ACER3: variants seen among roughly 807,000 people sequenced by gnomAD.
ACER3 encodes the protein alkaline ceramidase 3.
ACER3 carries 16 observed loss-of-function variants against 48.9 expected under a neutral mutation model. The ratio of observed to expected loss-of-function variants is 0.33; its 90% CI spans 0.22 to 0.50. The LOEUF (loss-of-function observed/expected upper bound fraction) is 0.50, where lower values mean the gene tolerates loss of function less well. Ranked by LOEUF, ACER3 falls within the 20% of genes least tolerant of loss-of-function variation. The pLI is 0.98. For missense variants in ACER3, 227 were observed against 326.0 expected (o/e 0.70, Z 2.34); for synonymous variants, 109 against 107.8 (o/e 1.01, Z -0.07).
chr11:76,924,089 G>C (rs529689228), intron 1 of ACER3, among the ~76,000 whole-genome samples: 2 of 152,138 alleles, frequency 1.3e-5, no homozygotes, highest in South Asian at 4.2e-4. Flanking sequence ...GGTCCCGCTG[G>C]GTACTCCCTC....
chr11:76,975,158 T>G (rs2135146592), intron 3 of ACER3, among the ~76,000 whole-genome samples: 1 of 152,342 alleles, frequency 6.6e-6, no homozygotes. Context: ...GGCTTTTGTG[T>G]CTTTTGTTGG....
intron 2 of ACER3, among the ~76,000 whole-genome samples, chr11:76,931,847 A>T (rs941014121): frequency 1.3e-5 from 2 of 151,952 alleles, no homozygotes; most frequent in Non-Finnish European, 1.5e-5. Flanking sequence ...TGTTAGTCTG[A>T]TGGGCTTCCC....
rs1555024213 is a variant in ACER3, at chr11:77,020,360, C to T, written c.*33C>T. The T allele has an allele frequency of 6.2e-7, 1 of 1,604,444 alleles. No homozygotes were observed. Among genetic ancestry groups the T allele is most frequent in the Admixed American group, 1.7e-5 (1 of 59,426 alleles). ...TTCCACCAAGAAAACAAACAAGCAC[C>T]TACCATAGACCTGGCAGAATAAATA... On this transcript the variant is annotated 3_prime_UTR_variant, in exon 11 of 11. Transcript: ENST00000532485.
At chr11:76,978,971 C>T in intron 4 of ACER3, among the ~76,000 whole-genome samples, 1 of 152,228 alleles carries the variant, frequency 6.6e-6, no homozygotes, top group East Asian at 1.9e-4. Context: ...GTGGCTAGAC[C>T]CCAAGCTTGC....
intron 1 of ACER3, among the ~76,000 whole-genome samples, chr11:76,904,764 C>G (rs1016354683): frequency 2.6e-5 from 4 of 152,200 alleles, no homozygotes; most frequent in African/African-American, 9.7e-5. Context: ...CGCTGCCCCT[C>G]TCAACCCACA....
At chr11:76,935,602 A>C (rs545696080) in intron 2 of ACER3, among the ~76,000 whole-genome samples, 1 of 152,346 alleles carries the variant, frequency 6.6e-6, no homozygotes, top group African/African-American at 2.4e-5. Context: ...AATGAAGAGG[A>C]AGTATAAGCC....
Position 76,966,943 on chromosome 11 carries a change from G to T in ACER3, c.267+7912G>T, listed in dbSNP as rs556935734. Among the ~76,000 whole-genome samples the T allele has an allele frequency of 4.6e-5, 7 of 152,030 alleles. No homozygotes were observed. In the South Asian group the frequency reaches 1.2e-3, roughly 27 times the overall value. ...ACATTCAAAAGCTAGCAGAAGGCAAGAAATAACTAAAATCAGAGCAGAACT... is the reference window on the plus strand; with the variant it reads ...ACATTCAAAAGCTAGCAGAAGGCAATAAATAACTAAAATCAGAGCAGAACT... On this transcript the variant is annotated intron_variant, in intron 3 of 10. Coordinates refer to ENST00000532485, the MANE Select transcript of ACER3 (RefSeq NM_018367.7).
intron 1 of ACER3, among the ~76,000 whole-genome samples, chr11:76,882,154 G>A (rs555718454): frequency 2.0e-5 from 3 of 151,676 alleles, no homozygotes; most frequent in South Asian, 4.2e-4. Flanking sequence ...ACAGGCGCCC[G>A]CCACCACGCC....
chr11:76,964,648 G>A (rs1050645100), intron 3 of ACER3, among the ~76,000 whole-genome samples: 15 of 151,280 alleles, frequency 9.9e-5, no homozygotes, highest in Admixed American at 4.6e-4. Flanking sequence ...CAGCATTTGC[G>A]GTTCACCAAT....
chr11:76,931,174 G>A (rs1330172698), intron 2 of ACER3, among the ~76,000 whole-genome samples: 9 of 135,200 alleles, frequency 6.7e-5, no homozygotes, highest in African/African-American at 2.6e-4. Flanking sequence ...ATATATTTAG[G>A]ATAGTTAGCT....
intron 6 of ACER3, chr11:76,998,472 T>G: frequency 3.1e-6 from 1 of 327,404 alleles, no homozygotes; most frequent in Non-Finnish European, 5.5e-6. Context: ...AATTACAGCA[T>G]TTGTTCAGGT....
intron 1 of ACER3, among the ~76,000 whole-genome samples, chr11:76,890,173 G>A (rs1363424926): frequency 6.6e-6 from 1 of 151,868 alleles, no homozygotes; most frequent in African/African-American, 2.4e-5. Flanking sequence ...TGTATCCCAG[G>A]GCTTATTACA....
At chr11:77,000,531 C>T (rs10793224) in intron 7 of ACER3, among the ~76,000 whole-genome samples, 108,132 of 152,032 alleles carry the variant, frequency 0.71, 38,849 homozygotes, top group Non-Finnish European at 0.77. Context: ...TTCTAAAAGA[C>T]TGTATAGTTT....
At chr11:76,866,188 A>G (rs950114696) in intron 1 of ACER3, among the ~76,000 whole-genome samples, 4 of 151,946 alleles carry the variant, frequency 2.6e-5, no homozygotes, top group African/African-American at 7.3e-5. Context: ...ATGGTTAGCT[A>G]TTTCTTCTAT....
chr11:76,932,890 T>C (rs1947047735), intron 2 of ACER3, among the ~76,000 whole-genome samples: 1 of 151,876 alleles, frequency 6.6e-6, no homozygotes, highest in African/African-American at 2.4e-5. Flanking sequence ...AAGATAAAAC[T>C]CCACAATAAA....
At chr11:76,994,058 A>G (rs1436382551) in intron 6 of ACER3, 1 of 418,678 alleles carries the variant, frequency 2.4e-6, no homozygotes, top group African/African-American at 2.1e-5. Context: ...GCGTTTACAG[A>G]ATCAGTGACT....
intron 7 of ACER3, among the ~76,000 whole-genome samples, chr11:77,005,993 T>TATATATATATACGTATA (rs1565224912): frequency 1.1e-5 from 1 of 87,960 alleles, no homozygotes; most frequent in African/African-American, 5.3e-5. Context: ...ATATATATAT[T>TATATATATATACGTATA]TTTTTTTTTT....
chr11:76,979,371 T>C (rs1948526556), intron 4 of ACER3, among the ~76,000 whole-genome samples: 1 of 152,154 alleles, frequency 6.6e-6, no homozygotes, highest in Admixed American at 6.5e-5. Context: ...CCAGAAACAA[T>C]AAAAGTAAGA....
intron 2 of ACER3, among the ~76,000 whole-genome samples, chr11:76,948,431 T>C (rs2134966480): frequency 6.6e-6 from 1 of 152,300 alleles, no homozygotes; most frequent in Middle Eastern, 3.4e-3. Flanking sequence ...TAGGACAACT[T>C]TCCAAGGTTC....
Sources: allele counts gnomAD v4.1 joint callset (sites outside exome capture counted in the v4.1 genomes callset), GRCh38; gene constraint gnomAD v4.1.1; transcripts MANE v1.5; gene names NCBI Gene and HGNC (gene_info 2026-07-23, HGNC 2026-07-21).